The following MCM8 variants were observed in gnomAD, a reference collection of about 807,000 sequenced individuals.
MCM8 encodes DNA helicase MCM8.
In MCM8, 85 loss-of-function variants were observed where a neutral mutation model predicts 98.9. The ratio of observed to expected loss-of-function variants is 0.86; its 90% confidence interval spans 0.72 to 1.03. MCM8 has a LOEUF of 1.03. Ranked by LOEUF, MCM8 falls within the 50% of genes least tolerant of loss-of-function variation. The pLI is 0.00. For synonymous variants in MCM8, 352 were observed against 338.6 expected, an observed-to-expected ratio of 1.04 and a Z score of -0.44; for missense variants, 951 against 997.8, an observed-to-expected ratio of 0.95 and a Z score of 0.63.
In MCM8 at chr20:5,978,405, T is replaced by G. The variant is rs904558383; in HGVS notation, c.1537+388T>G. 1.1e-4 allele frequency among the ~76,000 whole-genome samples: 16 copies of G among 152,326 alleles called. No individual in the cohort carries two copies. The East Asian group carries it at 1.5e-3, about 15-fold the overall frequency. The stretch of plus-strand genomic sequence containing the variant: ...TTTGGATGTCTTGTGGACTGCCATG[T>G]TCCCATTGCCTAGTACATAGGGGCA... On this transcript the variant is annotated intron_variant, in intron 13 of 18. Transcript: ENST00000610722.
chr20:5,990,240 A>C (rs1471859631), intron 17 of MCM8, among the ~76,000 whole-genome samples: 4 of 152,040 alleles, frequency 2.6e-5, no homozygotes, highest in African/African-American at 7.2e-5. Context: ...ACGCCCAGCT[A>C]ATTTTTTTGT....
chr20:5,993,836 G>A lies in MCM8; in HGVS notation c.2430+141G>A. Reference sequence around the variant, plus strand: ...TTTTCAGCATCTTGATAGTCAGAGGGAAACATTGTAGTAAGACAGTCTCTA... The same window carrying A: ...TTTTCAGCATCTTGATAGTCAGAGGAAAACATTGTAGTAAGACAGTCTCTA... On this transcript the variant is annotated intron_variant, in intron 18 of 18. Transcript: ENST00000610722. 5 of 628,074 alleles carry A rather than the reference G, an allele frequency of 8.0e-6. No homozygotes were observed. The South Asian group carries it at 8.6e-5, about 11-fold the overall frequency. 38.9% of individuals were successfully genotyped at this position (628,074 alleles called of 1,614,324 possible). A position where few individuals can be genotyped will look rare whatever the true frequency, so the allele number is the denominator to read the frequency against.
chr20:5,969,902 A>G (rs2089365705), intron 10 of MCM8, among the ~76,000 whole-genome samples: 1 of 152,208 alleles, frequency 6.6e-6, no homozygotes, highest in African/African-American at 2.4e-5. Context: ...TCCTCTTAAC[A>G]GTTGTAAATT....
chr20:5,993,433 A>G, intron 17 of MCM8, 73 bp from the exon 18 acceptor site: 1 of 1,274,060 alleles, frequency 7.8e-7, no homozygotes, highest in Non-Finnish European at 1.0e-6. Flanking sequence ...TTTCTTCTGT[A>G]ACCTGAAAGC....
At position 5,958,633 on chromosome 20, in the gene MCM8, G is replaced by A. The variant is rs528291402; in HGVS notation, c.696G>A (p.Lys232=). 4.3e-4 allele frequency: 702 copies of A among 1,614,138 alleles called. 11 individuals are homozygous for A. The South Asian group carries it at 7.4e-3, about 17-fold the overall frequency. ...RGTVVRVSNI[K]PLCTKMAFLC... is the part of the protein sequence containing the mutation. ...CAGTGGTTCGTGTCAGTAATATAAAGCCTCTTTGCACCAAGATGGCTTTTC... is the reference window on the plus strand; with the variant it reads ...CAGTGGTTCGTGTCAGTAATATAAAACCTCTTTGCACCAAGATGGCTTTTC... Residue 232 remains lysine (K), a synonymous_variant, in exon 7 of 19, where the codon AAG becomes AAA. Transcript: ENST00000610722.
In MCM8 at chr20:5,997,883, C is replaced by T. The variant is rs1436719454; in HGVS notation, c.*3492C>T. The T allele has an allele frequency of 6.6e-6, 1 of 152,244 alleles. No homozygotes were observed. Among genetic ancestry groups the T allele is most frequent in the Non-Finnish European group, 1.5e-5 (1 of 68,064 alleles). 9.4% of individuals were successfully genotyped at this position (152,244 alleles called of 1,614,324 possible). On this transcript the variant is annotated 3_prime_UTR_variant, in exon 19 of 19. Coordinates refer to ENST00000610722, the MANE Select transcript of MCM8 (RefSeq NM_032485.6). ...TGTGAGCCACCATGCCCAGCCTCCT[C>T]TCTTTTCCAATATTGTGTTAAGTAA...
At chr20:5,952,851 A>C (rs576369604) in intron 3 of MCM8, among the ~76,000 whole-genome samples, 1 of 152,384 alleles carries the variant, frequency 6.6e-6, no homozygotes, top group South Asian at 2.1e-4. Flanking sequence ...AACCATCCTT[A>C]TGGCTAAGAG....
At chr20:5,974,894 T>C (rs2089476389) in intron 12 of MCM8, among the ~76,000 whole-genome samples, 1 of 152,218 alleles carries the variant, frequency 6.6e-6, no homozygotes, top group Non-Finnish European at 1.5e-5. Context: ...TAAATTCTGT[T>C]CTGAGACCTC....
In MCM8 at chr20:5,994,789, G is replaced by A. The variant is rs553701908; in HGVS notation, c.*398G>A. ...CTGGGTATGGTGGCACATGCCTATA[G>A]TCTCAGCTACTTGTGAGGCTGAGGC... On this transcript the variant is annotated 3_prime_UTR_variant, in exon 19 of 19. Transcript: ENST00000610722. 1 of 438,820 alleles carries A rather than the reference G, an allele frequency of 2.3e-6. No individual in the cohort carries two copies. Among genetic ancestry groups the A allele is most frequent in the East Asian group, 7.0e-5 (1 of 14,200 alleles). The allele number at this position is 438,820 out of a possible 1,614,324, so 27.2% of individuals were successfully genotyped here. A position where few individuals can be genotyped will look rare whatever the true frequency, so the allele number is the denominator to read the frequency against.
At position 5,960,555 on chromosome 20, in the gene MCM8, GT is replaced by G. The variant is rs1260466094; in HGVS notation, c.789+1836del. ...TTTGGTTTGTCTTTTAACTTTGTGGGTTTTTTTGTTGTACAGTTTTACATTT... is the reference window on the plus strand; with the variant it reads ...TTTGGTTTGTCTTTTAACTTTGTGGGTTTTTTGTTGTACAGTTTTACATTT... On this transcript the variant is annotated intron_variant, in intron 7 of 18. Coordinates refer to ENST00000610722, the MANE Select transcript of MCM8 (RefSeq NM_032485.6). 7.9e-5 allele frequency among the ~76,000 whole-genome samples: 12 copies of G among 152,176 alleles called. 1 individual carries two copies. The highest frequency in any genetic ancestry group is 3.4e-3 in the Middle Eastern group (1 of 292).
At chr20:5,954,516 A>G in intron 3 of MCM8, 92 bp from the exon 4 acceptor site, 1 of 579,888 alleles carries the variant, frequency 1.7e-6, no homozygotes. Context: ...GAAAAAAATC[A>G]TCTACCATGT....
At chr20:5,951,782 C>T (rs1389850030) in intron 1 of MCM8, among the ~76,000 whole-genome samples, 2 of 152,128 alleles carry the variant, frequency 1.3e-5, no homozygotes, top group African/African-American at 2.4e-5. Context: ...TATACGTAAA[C>T]CATATTTAAT....
At chr20:5,955,430 T>TA (rs1389793137) in intron 5 of MCM8, among the ~76,000 whole-genome samples, 179 bp downstream of exon 5, 11 of 152,264 alleles carry the variant, frequency 7.2e-5, no homozygotes, top group Admixed American at 6.5e-4. Flanking sequence ...TTCTGAAAGA[T>TA]ACCATTCATT....
At chr20:5,972,172 T>C (rs1444784627) in intron 11 of MCM8, 135 bp downstream of exon 11, 3 of 560,100 alleles carry the variant, frequency 5.4e-6, no homozygotes, top group Admixed American at 3.3e-5. Flanking sequence ...ATTAATGATA[T>C]GGGAGGCAAG....
At chr20:5,993,476 TG>T in intron 17 of MCM8, 29 bp from the exon 18 acceptor site, 1 of 1,493,132 alleles carries the variant, frequency 6.7e-7, no homozygotes, top group South Asian at 1.4e-5. Context: ...AGTGCTACAT[TG>T]GGTAATTTTT....
At chr20:5,982,265 ACTC>A (rs2089645067) in intron 13 of MCM8, among the ~76,000 whole-genome samples, 1 of 152,004 alleles carries the variant, frequency 6.6e-6, no homozygotes, top group African/African-American at 2.4e-5. Flanking sequence ...TTTTCCATAT[ACTC>A]CTCTGTGCTA....
chr20:5,989,387 A>G (rs1323026222), intron 17 of MCM8, among the ~76,000 whole-genome samples: 1 of 152,090 alleles, frequency 6.6e-6, no homozygotes, highest in Non-Finnish European at 1.5e-5. Context: ...AAGTGCTGGG[A>G]TTACAGGCAT....
chr20:5,991,753 C>A (rs1306375547), intron 17 of MCM8, among the ~76,000 whole-genome samples: 1 of 152,112 alleles, frequency 6.6e-6, no homozygotes, highest in Admixed American at 6.6e-5. Context: ...CCAGTATATT[C>A]CCAGGGCCCA....
At chr20:5,951,940 A>G in intron 1 of MCM8, 71 bp from the exon 2 acceptor site, 1 of 1,491,078 alleles carries the variant, frequency 6.7e-7, no homozygotes, top group Middle Eastern at 2.0e-4. Flanking sequence ...TTCCCTTTTT[A>G]TTAATACATT....
Sources: allele counts gnomAD v4.1 joint callset (sites outside exome capture counted in the v4.1 genomes callset), GRCh38; gene constraint gnomAD v4.1.1; transcripts MANE v1.5; gene names NCBI Gene and HGNC (gene_info 2026-07-23, HGNC 2026-07-21).